Variants in MAPK10 observed in about 807,000 individuals in gnomAD.
The protein encoded by MAPK10 is JNK3 alpha protein kinase.
A neutral mutation model predicts 59.3 loss-of-function variants in MAPK10; 25 were observed. That is an observed-to-expected ratio of 0.42 (90% CI 0.31 to 0.59). MAPK10 has a LOEUF of 0.59. Ranked by LOEUF, MAPK10 falls within the 20% of genes least tolerant of loss-of-function variation. MAPK10 has a pLI of 0.15. For synonymous variants in MAPK10, 190 were observed against 200.5 expected (o/e 0.95, Z 0.44); for missense variants, 351 against 568.9 (o/e 0.62, Z 3.90).
At chr4:86,585,552 G>A (rs1296456696) in intron 1 of MAPK10, among the ~76,000 whole-genome samples, 2 of 152,156 alleles carry the variant, frequency 1.3e-5, no homozygotes, top group East Asian at 1.9e-4. Flanking sequence ...AATGCATAAC[G>A]GTAGGTTTTT....
chr4:86,150,008 A>C (rs4560400), intron 4 of MAPK10, among the ~76,000 whole-genome samples: 20,886 of 152,208 alleles, frequency 0.14, 1,559 homozygotes, highest in Admixed American at 0.16. Flanking sequence ...GTAAAAAAAA[A>C]CGGGAGCCAA....
intron 1 of MAPK10, among the ~76,000 whole-genome samples, chr4:86,562,538 T>A (rs1403025474): frequency 2.6e-5 from 4 of 151,624 alleles, no homozygotes; most frequent in African/African-American, 4.8e-5. Context: ...ATAAATAAAT[T>A]AATTAATTTA....
chr4:86,031,457 C>A (rs751007541), intron 11 of MAPK10, 26 bp from the exon 12 acceptor site: 1 of 1,544,592 alleles, frequency 6.5e-7, no homozygotes, highest in Non-Finnish European at 8.9e-7. Context: ...AAAAAATAAT[C>A]TTTGTGTGAT....
chr4:86,019,914 C>A (rs1454846425), intron 13 of MAPK10, among the ~76,000 whole-genome samples: 1 of 152,136 alleles, frequency 6.6e-6, no homozygotes, highest in Non-Finnish European at 1.5e-5. Context: ...TAGAATGATG[C>A]TCATATATTT....
chr4:86,555,786 G>A (rs1451973341), intron 1 of MAPK10, among the ~76,000 whole-genome samples: 1 of 152,174 alleles, frequency 6.6e-6, no homozygotes, highest in Non-Finnish European at 1.5e-5. Flanking sequence ...TTGGGTAAAG[G>A]AGAATATTGA....
intron 2 of MAPK10, among the ~76,000 whole-genome samples, chr4:86,323,974 T>A: frequency 6.6e-6 from 1 of 152,166 alleles, no homozygotes; most frequent in Non-Finnish European, 1.5e-5. Context: ...CTAAATAGTA[T>A]AATAAAACTG....
intron 1 of MAPK10, among the ~76,000 whole-genome samples, chr4:86,424,632 C>T (rs985387830): frequency 1.3e-5 from 2 of 152,112 alleles, no homozygotes; most frequent in African/African-American, 4.8e-5. Flanking sequence ...GAATCTCCCT[C>T]TTGAATCATG....
At chr4:86,183,856 A>C (rs2149290041) in intron 3 of MAPK10, among the ~76,000 whole-genome samples, 1 of 152,172 alleles carries the variant, frequency 6.6e-6, no homozygotes, top group East Asian at 1.9e-4. Context: ...ACAGTATCTC[A>C]TTGTGGTTTT....
chr4:86,162,504 G>A (rs1377411660), intron 3 of MAPK10, among the ~76,000 whole-genome samples: 6 of 152,108 alleles, frequency 3.9e-5, no homozygotes, highest in Non-Finnish European at 7.4e-5. Context: ...GCATAAGGTT[G>A]TGATGGTCTT....
intron 1 of MAPK10, among the ~76,000 whole-genome samples, chr4:86,477,739 C>G (rs1222237825): frequency 6.6e-6 from 1 of 152,178 alleles, no homozygotes; most frequent in African/African-American, 2.4e-5. Context: ...CCTTATCAAC[C>G]AAATTGTTTT....
chr4:86,281,342 T>C (rs981270931), intron 2 of MAPK10, among the ~76,000 whole-genome samples: 2 of 151,402 alleles, frequency 1.3e-5, no homozygotes, highest in Non-Finnish European at 2.9e-5. Context: ...CTACTAAAAC[T>C]ACAAAAAAAT....
intron 4 of MAPK10, chr4:86,119,971 T>A (rs1367062087): frequency 6.6e-6 from 1 of 152,326 alleles, no homozygotes; most frequent in African/African-American, 2.4e-5. Context: ...GTCTCTATTT[T>A]CTTTTTCCAC....
chr4:86,254,973 G>C (rs1179777002), intron 2 of MAPK10, among the ~76,000 whole-genome samples: 1 of 152,052 alleles, frequency 6.6e-6, no homozygotes, highest in Non-Finnish European at 1.5e-5. Flanking sequence ...CCTTTATGAA[G>C]ATGTAACATA....
rs915416848 is a variant in MAPK10 at position 86,406,457 on chromosome 4, A to G, written c.-122+46573T>C. Among the ~76,000 whole-genome samples, 9 of 152,270 alleles carry G rather than the reference A, an allele frequency of 5.9e-5. No homozygotes were observed. The East Asian group carries it at 9.7e-4, about 16-fold the overall frequency. On this transcript the variant is annotated intron_variant, in intron 1 of 13. Coordinates refer to the MAPK10 transcript ENST00000361569. ...AGGGCTAGTCCCACAAAGCTACTCA[A>G]ATATAGTGGAGACTCATTTTAACCC...
chr4:86,215,094 C>G (rs2087080633), intron 2 of MAPK10, among the ~76,000 whole-genome samples: 1 of 152,100 alleles, frequency 6.6e-6, no homozygotes, highest in African/African-American at 2.4e-5. Context: ...ATAGGAACCC[C>G]AGAAAAAACC....
intron 1 of MAPK10, among the ~76,000 whole-genome samples, chr4:86,426,004 A>G (rs763015020): frequency 4.6e-5 from 7 of 152,198 alleles, no homozygotes; most frequent in Non-Finnish European, 1.0e-4. Context: ...GATTCAGTCT[A>G]CACTAAGCTA....
At chr4:86,307,057 T>C (rs2148860904) in intron 2 of MAPK10, among the ~76,000 whole-genome samples, 1 of 152,168 alleles carries the variant, frequency 6.6e-6, no homozygotes, top group Non-Finnish European at 1.5e-5. Flanking sequence ...AAATGAAGCA[T>C]AACTAGGGTG....
At chr4:86,245,452 C>T (rs900675277) in intron 2 of MAPK10, among the ~76,000 whole-genome samples, 1 of 151,938 alleles carries the variant, frequency 6.6e-6, no homozygotes, top group Non-Finnish European at 1.5e-5. Context: ...GTTGGGACTA[C>T]AGATGCACGC....
chr4:86,510,310 A>G (rs1756124000), intron 1 of MAPK10, among the ~76,000 whole-genome samples: 1 of 151,912 alleles, frequency 6.6e-6, no homozygotes, highest in Non-Finnish European at 1.5e-5. Flanking sequence ...GCAGAGTTTT[A>G]CCATGTTGCT....
Sources: gnomAD v4.1 joint callset for allele counts (sites outside exome capture counted in the v4.1 genomes callset) on GRCh38, gnomAD v4.1.1 for gene constraint, MANE v1.5 for transcripts, NCBI Gene and HGNC (gene_info 2026-07-23, HGNC 2026-07-21) for gene names.